TRMT9B: variants seen among roughly 807,000 people sequenced by gnomAD.
The protein encoded by TRMT9B is probable tRNA methyltransferase 9B.
TRMT9B carries 16 observed loss-of-function variants against 11.5 expected under a neutral mutation model. The ratio of observed to expected loss-of-function variants is 1.39; its 90% confidence interval spans 0.94 to 2.11. The LOEUF (loss-of-function observed/expected upper bound fraction) is 2.11. Ranked by LOEUF, TRMT9B falls within the 30% of genes most tolerant of loss-of-function variation. The pLI is 0.00. For missense variants in TRMT9B, 941 were observed against 553.8 expected (o/e 1.70, Z -7.02); for synonymous variants, 274 against 192.4 (o/e 1.42, Z -3.51).
At chr8:12,991,862 T>G (rs1322702586) in intron 2 of TRMT9B, among the ~76,000 whole-genome samples, 2 of 151,914 alleles carry the variant, frequency 1.3e-5, no homozygotes, top group African/African-American at 2.4e-5. Context: ...ACCCAGGAGG[T>G]GGAGGTTGCA....
At chr8:13,004,224 C>T (rs1006999825) in intron 2 of TRMT9B, among the ~76,000 whole-genome samples, 1 of 151,950 alleles carries the variant, frequency 6.6e-6, no homozygotes, top group African/African-American at 2.4e-5. Context: ...ACTTGAAAGG[C>T]AGTGTAGGCC....
intron 1 of TRMT9B, among the ~76,000 whole-genome samples, chr8:12,963,628 G>T (rs1372693401): frequency 6.6e-6 from 1 of 151,674 alleles, no homozygotes; most frequent in African/African-American, 2.4e-5. Context: ...TGTGCCTGTA[G>T]TTCTAGCTAC....
intron 1 of TRMT9B, among the ~76,000 whole-genome samples, chr8:12,981,365 G>T (rs1001904494): frequency 6.6e-6 from 1 of 152,190 alleles, no homozygotes; most frequent in Non-Finnish European, 1.5e-5. Flanking sequence ...GACATCATGA[G>T]CAAAGATGCA....
At chr8:13,015,857 T>A (rs112058257) in intron 4 of TRMT9B, among the ~76,000 whole-genome samples, 5,655 of 152,216 alleles carry the variant, frequency 0.037, 128 homozygotes, top group Non-Finnish European at 0.051. Flanking sequence ...GAATTAAAAA[T>A]GCTTCCTTGA....
At chr8:13,003,693 G>A (rs1289269677) in intron 2 of TRMT9B, among the ~76,000 whole-genome samples, 1 of 151,640 alleles carries the variant, frequency 6.6e-6, no homozygotes, top group Non-Finnish European at 1.5e-5. Context: ...AAATGCCTCT[G>A]AAGAAGTTGA....
chr8:13,010,628 A>G (rs1270318148), intron 3 of TRMT9B: 1 of 985,190 alleles, frequency 1.0e-6, no homozygotes, highest in African/African-American at 1.7e-5. Flanking sequence ...TTTCCTTCTT[A>G]TTACAAAATG....
chr8:12,963,038 C>T (rs2128863898), intron 1 of TRMT9B, among the ~76,000 whole-genome samples: 1 of 152,264 alleles, frequency 6.6e-6, no homozygotes, highest in East Asian at 1.9e-4. Context: ...TCCATTAAAG[C>T]AGGAAATTCA....
intron 1 of TRMT9B, among the ~76,000 whole-genome samples, chr8:12,983,278 C>T (rs1346670867): frequency 6.6e-6 from 1 of 151,440 alleles, no homozygotes; most frequent in African/African-American, 2.4e-5. Context: ...AGCCATAACA[C>T]AAGAAATCAT....
intron 2 of TRMT9B, among the ~76,000 whole-genome samples, chr8:12,999,321 GAA>G (rs554434283): frequency 7.9e-6 from 1 of 127,084 alleles, no homozygotes; most frequent in African/African-American, 3.0e-5. Flanking sequence ...AAAAAGAAAA[GAA>G]AAAAAAAAAG....
intron 1 of TRMT9B, among the ~76,000 whole-genome samples, chr8:12,949,040 C>A (rs924295722): frequency 2.6e-5 from 4 of 152,172 alleles, no homozygotes; most frequent in African/African-American, 9.7e-5. Context: ...CTATGGCCAA[C>A]ACACTTTATA....
At chr8:12,946,250 C>G (rs113722635) in intron 1 of TRMT9B, among the ~76,000 whole-genome samples, 3 of 152,048 alleles carry the variant, frequency 2.0e-5, no homozygotes, top group African/African-American at 7.2e-5. Flanking sequence ...CTGGAATTAT[C>G]TTTTATGGAA....
intron 2 of TRMT9B, among the ~76,000 whole-genome samples, chr8:12,993,093 T>C (rs1807668655): frequency 6.6e-6 from 1 of 151,880 alleles, no homozygotes; most frequent in Admixed American, 6.6e-5. Context: ...AAAAAGTGAG[T>C]AGATTTGTGT....
chr8:13,020,943 C>T, intron 4 of TRMT9B, 65 bp from the exon 5 acceptor site: 1 of 1,044,342 alleles, frequency 9.6e-7, no homozygotes, highest in East Asian at 2.7e-5. Context: ...TGGTAAACAC[C>T]AGTGTATACG....
At chr8:13,011,540 G>T (rs1373850170) in intron 3 of TRMT9B, 10 of 949,170 alleles carry the variant, frequency 1.1e-5, no homozygotes, top group Non-Finnish European at 1.3e-5. Context: ...TTTCTGGAAA[G>T]TAATTAGATT....
chr8:12,950,564 T>TCTTTCTTTCTTTCTTTCTTTCTTTCTCTC (rs1554505540), intron 1 of TRMT9B, among the ~76,000 whole-genome samples: 8 of 151,986 alleles, frequency 5.3e-5, no homozygotes, highest in African/African-American at 1.9e-4. Flanking sequence ...TTTCTTTCTT[T>TCTTTCTTTCTTTCTTTCTTTCTTTCTCTC]TTGAATGTGA....
intron 1 of TRMT9B, among the ~76,000 whole-genome samples, chr8:12,975,185 T>C (rs980535482): frequency 1.1e-4 from 16 of 152,088 alleles, no homozygotes; most frequent in African/African-American, 3.4e-4. Context: ...GAAGTACAGA[T>C]AGTTCATCCT....
intron 1 of TRMT9B, among the ~76,000 whole-genome samples, chr8:12,988,731 G>C (rs1056608144): frequency 6.6e-6 from 1 of 152,108 alleles, no homozygotes; most frequent in South Asian, 2.1e-4. Flanking sequence ...ACAATACATG[G>C]GGATGATGGG....
intron 1 of TRMT9B, chr8:12,959,844 C>T (rs1021214921): frequency 1.3e-5 from 2 of 152,082 alleles, no homozygotes; most frequent in Admixed American, 6.6e-5. Context: ...CCAAAGATTT[C>T]AGAAAAGGAA....
Position 12,996,770 on chromosome 8 carries a change from A to G in TRMT9B, c.-2+5739A>G, listed in dbSNP as rs181844548. ...GTACAAATAAATGAATGAATTTTTCATAACCTGAGCGCCCTCATGTAACCC... is the reference window on the plus strand; with the variant it reads ...GTACAAATAAATGAATGAATTTTTCGTAACCTGAGCGCCCTCATGTAACCC... On this transcript the variant is annotated intron_variant, in intron 2 of 4. Transcript: ENST00000524591. 2.7e-3 allele frequency among the ~76,000 whole-genome samples: 404 copies of G among 152,276 alleles called. 2 individuals carry two copies. The highest frequency in any genetic ancestry group is 4.6e-3 in the Admixed American group (70 of 15,296).
Sources: allele counts gnomAD v4.1 joint callset (sites outside exome capture counted in the v4.1 genomes callset), GRCh38; gene constraint gnomAD v4.1.1; transcripts MANE v1.5; gene names NCBI Gene and HGNC (gene_info 2026-07-23, HGNC 2026-07-21).